The following CASTOR2 variants were observed in gnomAD, a reference collection of about 807,000 sequenced individuals.
CASTOR2 encodes cytosolic arginine sensor for mTORC1 subunit 2, also known as GATS protein like 2.
Under a neutral mutation model 31.2 loss-of-function variants are expected in CASTOR2, and 8 were observed. The observed-to-expected ratio is 0.26, with a 90% CI of 0.15 to 0.46. CASTOR2 has a LOEUF of 0.46. Among genes scored for constraint, CASTOR2 ranks in the 20% least tolerant of loss-of-function variants. The probability of loss-of-function intolerance (pLI) is 0.99; values close to 1 mark genes in which losing one functional copy is unlikely to be tolerated. For missense variants in CASTOR2, 216 were observed against 382.1 expected (o/e 0.57, Z 3.62); for synonymous variants, 162 against 158.7 (o/e 1.02, Z -0.16).
chr7:75,019,989 G>T, intron 5 of CASTOR2, 50 bp from the exon 6 acceptor site: 1 of 1,527,118 alleles, frequency 6.5e-7, no homozygotes, highest in South Asian at 1.2e-5. Flanking sequence ...GGTGTGAATG[G>T]GGCAGGGGCC....
intron 1 of CASTOR2, among the ~76,000 whole-genome samples, chr7:74,978,677 CAG>C (rs1803883513): frequency 2.9e-5 from 1 of 34,004 alleles, no homozygotes; most frequent in African/African-American, 1.4e-4. Context: ...GTCATAGAGA[CAG>C]AAAGAATGGT....
At chr7:75,015,884 T>C (rs1339285022) in intron 2 of CASTOR2, among the ~76,000 whole-genome samples, 1 of 152,092 alleles carries the variant, frequency 6.6e-6, no homozygotes, top group Admixed American at 6.6e-5. Context: ...CGGGCCAACA[T>C]GGTGAAACCC....
intron 1 of CASTOR2, among the ~76,000 whole-genome samples, chr7:74,998,107 T>G (rs1804395795): frequency 6.6e-6 from 1 of 152,146 alleles, no homozygotes; most frequent in Admixed American, 6.5e-5. Flanking sequence ...CCCCAACCCA[T>G]AGAGGCAGTT....
rs1805293472 is a variant in CASTOR2 at position 75,031,202 on chromosome 7, G to A, written c.*6503G>A. Among the ~76,000 whole-genome samples the A allele has an allele frequency of 2.0e-5, 3 of 152,144 alleles. No homozygotes were observed. Among genetic ancestry groups the A allele is most frequent in the Non-Finnish European group, 2.9e-5 (2 of 67,984 alleles). On this transcript the variant is annotated 3_prime_UTR_variant, in exon 9 of 9. Transcript: ENST00000616305. ...GTGAGTGGATGGATGGTGTACTGAG[G>A]GGCCTCTGCCCTGCCCAGAGCCCCC... is the stretch of plus-strand genomic sequence containing the variant.
chr7:74,972,589 T>G (rs1315901091), intron 1 of CASTOR2, among the ~76,000 whole-genome samples: 8 of 149,424 alleles, frequency 5.4e-5, no homozygotes, highest in African/African-American at 1.7e-4. Flanking sequence ...GTCTCTGGTT[T>G]GTTTTGGCCT....
intron 1 of CASTOR2, among the ~76,000 whole-genome samples, chr7:74,972,359 C>T (rs587703939): frequency 1.3e-4 from 19 of 149,874 alleles, no homozygotes; most frequent in Non-Finnish European, 2.7e-4. Flanking sequence ...ACCTCAGACG[C>T]TCCACCTGCC....
Position 75,028,122 on chromosome 7 carries a change from T to TTTG in CASTOR2, c.*3425_*3426insGTT, listed in dbSNP as rs2131963035. On this transcript the variant is annotated 3_prime_UTR_variant, in exon 9 of 9. Coordinates refer to ENST00000616305, the MANE Select transcript of CASTOR2 (RefSeq NM_001145064.3). ...GGGCTCTCTATGATGTGGAATTTTTTTTTTTTTTTTTTTGAGACGGAGTCT... is the reference window on the plus strand; with the variant it reads ...GGGCTCTCTATGATGTGGAATTTTTTTTGTTTTTTTTTTTTTGAGACGGAGTCT... The TTTG allele has an allele frequency of 6.8e-7, 1 of 1,475,420 alleles. No homozygotes were observed. The highest frequency in any genetic ancestry group is 1.4e-5 in the African/African-American group (1 of 69,648). The allele number at this position is 1,475,420 out of a possible 1,614,324, so 91.4% of individuals were successfully genotyped here. A position where few individuals can be genotyped will look rare whatever the true frequency, so the allele number is the denominator to read the frequency against.
chr7:74,994,140 C>A (rs1218002278), intron 1 of CASTOR2, among the ~76,000 whole-genome samples: 3 of 152,266 alleles, frequency 2.0e-5, no homozygotes, highest in African/African-American at 2.4e-5. Context: ...GAATGTTCTT[C>A]TCAGAGATGA....
chr7:74,971,885 G>A (rs879951598), intron 1 of CASTOR2, among the ~76,000 whole-genome samples: 1,524 of 138,868 alleles, frequency 0.011, no homozygotes, highest in Non-Finnish European at 0.016. Context: ...GTGGGATCCC[G>A]GTGTGCCCCA....
rs1268510050 is a variant in CASTOR2 at position 75,012,363 on chromosome 7, C to T, written c.184+4299C>T. ...CTGTCCCCAGACTGGAGTGCAGTGG[C>T]GCGATCTCAGCTCACTGCATCCTCC... On this transcript the variant is annotated intron_variant, in intron 2 of 8. Coordinates refer to ENST00000616305, the MANE Select transcript of CASTOR2 (RefSeq NM_001145064.3). Among the ~76,000 whole-genome samples, 5 of 152,214 alleles carry T rather than the reference C, an allele frequency of 3.3e-5. No homozygotes were observed. In the South Asian group the frequency reaches 8.3e-4, roughly 25 times the overall value.
intron 1 of CASTOR2, among the ~76,000 whole-genome samples, chr7:74,967,434 C>T (rs1382514975): frequency 6.7e-6 from 1 of 148,266 alleles, no homozygotes. Flanking sequence ...GCAATCCCTG[C>T]CCCCAGGTGG....
chr7:75,027,670 G>T lies in CASTOR2; in HGVS notation c.*2971G>T. 3.1e-6 allele frequency: 1 copy of T among 323,160 alleles called. No individual in the cohort carries two copies. The highest frequency in any genetic ancestry group is 9.1e-5 in the East Asian group (1 of 10,976). The allele number at this position is 323,160 out of a possible 1,614,324, so 20.0% of individuals were successfully genotyped here. A position where few individuals can be genotyped will look rare whatever the true frequency, so the allele number is the denominator to read the frequency against. ...CGCCCTGGCTGGCTCTGCAGGGGTG[G>T]TCCCTGTTCAAGCCCGCTCCGTGGG... On this transcript the variant is annotated 3_prime_UTR_variant, in exon 9 of 9. Transcript: ENST00000616305.
intron 1 of CASTOR2, among the ~76,000 whole-genome samples, chr7:74,970,320 A>T (rs1803651671): frequency 6.8e-6 from 1 of 147,218 alleles, no homozygotes; most frequent in African/African-American, 2.5e-5. Flanking sequence ...GTGCTTATTT[A>T]TTCTCAGCAT....
At chr7:75,016,249 C>T (rs1434269745) in intron 2 of CASTOR2, among the ~76,000 whole-genome samples, 2 of 152,206 alleles carry the variant, frequency 1.3e-5, no homozygotes, top group Non-Finnish European at 2.9e-5. Flanking sequence ...ATAGTGTGTG[C>T]CTGTGTCCCA....
chr7:75,008,142 T>C (rs1400091661), intron 2 of CASTOR2, 78 bp downstream of exon 2: 5 of 1,466,522 alleles, frequency 3.4e-6, no homozygotes, highest in Admixed American at 3.7e-5. Flanking sequence ...CTTATTTCTG[T>C]CCCCCGCCCA....
In CASTOR2 at chr7:75,027,997, T is replaced by C. The variant is rs1805185524; in HGVS notation, c.*3298T>C. Reference sequence around the variant, plus strand: ...GGCTCCATCCGCAGTTGCATGGAACTCCTTACCTGTTTGCCGTCCATCCCC... The same window carrying C: ...GGCTCCATCCGCAGTTGCATGGAACCCCTTACCTGTTTGCCGTCCATCCCC... On this transcript the variant is annotated 3_prime_UTR_variant, in exon 9 of 9. Coordinates refer to ENST00000616305, the MANE Select transcript of CASTOR2 (RefSeq NM_001145064.3). 2 of 1,533,420 alleles carry C rather than the reference T, an allele frequency of 1.3e-6. No homozygotes were observed. The highest frequency in any genetic ancestry group is 1.7e-6 in the Non-Finnish European group (2 of 1,145,606). The allele number at this position is 1,533,420 out of a possible 1,614,324, so 95.0% of individuals were successfully genotyped here.
intron 1 of CASTOR2, among the ~76,000 whole-genome samples, chr7:74,996,715 CTTTTTTTTTTTTT>C (rs1179122101): frequency 7.4e-5 from 3 of 40,766 alleles, no homozygotes; most frequent in South Asian, 1.4e-3. Context: ...ATGCCTGGTG[CTTTTTTTTTTTTT>C]TTTTTTTTTT....
At position 75,017,696 on chromosome 7, in the gene CASTOR2, G is replaced by A. The variant is rs1339377830; in HGVS notation, c.283G>A (p.Gly95Ser). ...GGSFSSSQPI[G>S]VTKIAKSVIA... ...CAGCTTCTCCAGCTCCCAGCCCATC[G>A]GCGTGACCAAGATCGCCAAGTCAGT... is the stretch of plus-strand genomic sequence containing the variant. Residue 95 changes from glycine (G) to serine (S), a missense_variant, in exon 3 of 9, where the codon GGC becomes AGC. Transcript: ENST00000616305. The A allele has an allele frequency of 8.1e-6, 13 of 1,614,008 alleles. No homozygotes were observed. Among genetic ancestry groups the A allele is most frequent in the South Asian group, 3.3e-5 (3 of 91,074 alleles).
At chr7:74,987,763 C>CCT (rs2131927320) in intron 1 of CASTOR2, among the ~76,000 whole-genome samples, 1 of 152,104 alleles carries the variant, frequency 6.6e-6, no homozygotes, top group African/African-American at 2.4e-5. Flanking sequence ...GGCTGGAGTG[C>CCT]AGTGGCGTGA....
Sources: gnomAD v4.1 joint callset for allele counts (sites outside exome capture counted in the v4.1 genomes callset) on GRCh38, gnomAD v4.1.1 for gene constraint, MANE v1.5 for transcripts, NCBI Gene and HGNC (gene_info 2026-07-23, HGNC 2026-07-21) for gene names.